The following ZBTB33 variants were observed in gnomAD, a reference collection of about 807,000 sequenced individuals.
ZBTB33 encodes the protein zinc finger and BTB domain containing 33.
ZBTB33 carries 11 observed loss-of-function variants against 25.9 expected under a neutral mutation model. The observed-to-expected ratio is 0.42, with a 90% CI of 0.27 to 0.70. ZBTB33 has a LOEUF of 0.70. Ranked by LOEUF, ZBTB33 falls within the 30% of genes least tolerant of loss-of-function variation. ZBTB33 has a pLI of 0.23. For synonymous variants in ZBTB33, 157 were observed against 184.8 expected (o/e 0.85, Z 1.22); for missense variants, 343 against 501.1 (o/e 0.68, Z 3.01).
chrX:120,251,110 CTCTT>C (rs1239994225), intron 1 of ZBTB33, 133 bp downstream of exon 1: 1 of 111,818 alleles, frequency 8.9e-6, no homozygotes, highest in Admixed American at 9.3e-5. Flanking sequence ...GCTCCTCCGG[CTCTT>C]TCTTTGTGTG....
At position 120,255,365 on chromosome X, in the gene ZBTB33, T is replaced by C; in HGVS notation, c.1950T>C (p.Asp650=). The stretch of plus-strand genomic sequence containing the variant: ...ATATTTTTATTCAGCAGGAAAATGA[T>C]TCAATTTTTAAACAAAATGTAACAG... The part of the protein sequence containing the change: ...WEDIFIQQEN[D]SIFKQNVTDG... The change falls in exon 3 of 3, where the codon GAT becomes GAC. Residue 650 remains aspartate, a synonymous_variant. Coordinates refer to ENST00000557385, the MANE Select transcript of ZBTB33 (RefSeq NM_001184742.2). The C allele has an allele frequency of 1.7e-6, 2 of 1,211,534 alleles. No individual in the cohort carries two copies. The highest frequency in any genetic ancestry group is 2.2e-6 in the Non-Finnish European group (2 of 895,204).
In ZBTB33 at chrX:120,256,666, A is replaced by G. The variant is rs1476402742; in HGVS notation, c.*1232A>G. ...AAAAATGACACATATTTAAACACTT[A>G]GAAAATAAAGTTAACACTTACTGAA... On this transcript the variant is annotated 3_prime_UTR_variant, in exon 3 of 3. Coordinates refer to ENST00000557385, the MANE Select transcript of ZBTB33 (RefSeq NM_001184742.2). 1.6e-5 allele frequency: 2 copies of G among 123,297 alleles called. No homozygotes were observed. The highest frequency in any genetic ancestry group is 9.5e-5 in the Admixed American group (1 of 10,549). The allele number at this position is 123,297 out of a possible 1,213,427, so 10.2% of individuals were successfully genotyped here.
At chrX:120,251,246 G>C (rs2057597493) in intron 1 of ZBTB33, among the ~76,000 whole-genome samples, 1 of 111,291 alleles carries the variant, frequency 9.0e-6, no homozygotes, top group African/African-American at 3.3e-5. Context: ...CCATCACAGA[G>C]ACCCACTTGG....
Position 120,253,873 on chromosome X carries a change from A to G in ZBTB33, c.458A>G (p.Lys153Arg), listed in dbSNP as rs1219747667. The G allele has an allele frequency of 5.0e-6, 6 of 1,209,506 alleles. No homozygotes were observed. The highest frequency in any genetic ancestry group is 6.7e-6 in the Non-Finnish European group (6 of 895,160). The change falls in exon 3 of 3, where the codon AAA becomes AGA. Residue 153 changes from lysine to arginine, a missense_variant. Around this residue, in one of 2 missense-constraint regions of ZBTB33, gnomAD observed 304 missense variants for 410.0 expected, o/e 0.74. Transcript: ENST00000557385. ...GDKNLVIQKSKDEAQDNGATI... is the reference protein window; with the variant it reads ...GDKNLVIQKSRDEAQDNGATI... ...AAGAACCTTGTAATACAGAAATCAA[A>G]AGATGAAGCCCAAGATAATGGGGCT...
chrX:120,255,478 A>C lies in ZBTB33; in HGVS notation c.*44A>C. 9.7e-7 allele frequency: 1 copy of C among 1,031,685 alleles called. No individual in the cohort carries two copies. 85.0% of individuals were successfully genotyped at this position (1,031,685 alleles called of 1,213,427 possible). On this transcript the variant is annotated 3_prime_UTR_variant, in exon 3 of 3. Transcript: ENST00000557385. ...AAAGTTTTGTTTTGGATGATGGGGC[A>C]GGGGTTTCAGAAGATCTGTAAAACA...
In ZBTB33 at chrX:120,253,431, C is replaced by T. The variant is rs1556014645; in HGVS notation, c.16C>T (p.Leu6=). The T allele has an allele frequency of 4.1e-6, 5 of 1,208,000 alleles. No homozygotes were observed. The highest frequency in any genetic ancestry group is 2.2e-6 in the Non-Finnish European group (2 of 893,731). MESRK[L]ISATDIQYSG... is the part of the protein sequence containing the mutation. ...TCTTAAAGGCATGGAGAGTAGAAAACTGATTTCTGCTACAGACATTCAGTA... is the reference window on the plus strand; with the variant it reads ...TCTTAAAGGCATGGAGAGTAGAAAATTGATTTCTGCTACAGACATTCAGTA... The change falls in exon 3 of 3, where the codon CTG becomes TTG. Residue 6 remains leucine, a synonymous_variant. Transcript: ENST00000557385.
In ZBTB33 at chrX:120,255,024, C is replaced by T. The variant is rs782082472; in HGVS notation, c.1609C>T (p.Arg537Cys). 1.7e-6 allele frequency: 2 copies of T among 1,211,734 alleles called. No homozygotes were observed. The highest frequency in any genetic ancestry group is 2.2e-6 in the Non-Finnish European group (2 of 895,502). The change falls in exon 3 of 3, where the codon CGC becomes TGC. Residue 537 changes from arginine to cysteine, a missense_variant. By Grantham distance (180) the Arg-to-Cys change is radical (BLOSUM62 -3). Around this residue, in one of 2 missense-constraint regions of ZBTB33, gnomAD observed 304 missense variants for 410.0 expected, o/e 0.74. Coordinates refer to ENST00000557385, the MANE Select transcript of ZBTB33 (RefSeq NM_001184742.2). The stretch of plus-strand genomic sequence containing the variant: ...GAAGGTATTTCCTCTTGCAGAATAT[C>T]GCACAAAGCATGAAATTCATCACAC... ...CEKVFPLAEY[R>C]TKHEIHHTGE...
chrX:120,253,547 G>A lies in ZBTB33; in HGVS notation c.132G>A (p.Arg44=). The change falls in exon 3 of 3, where the codon CGG becomes CGA. Residue 44 remains arginine (R), a synonymous_variant. Coordinates refer to ENST00000557385, the MANE Select transcript of ZBTB33 (RefSeq NM_001184742.2). ...TTATTGTGGAAGACCGAAAATTCCG[G>A]GCTCACAAGAATATTCTTTCAGCTT... ...VTVIVEDRKF[R]AHKNILSASS... is the part of the protein sequence containing the mutation. 1 of 1,211,533 alleles carries A rather than the reference G, an allele frequency of 8.3e-7. No individual in the cohort carries two copies. Among genetic ancestry groups the A allele is most frequent in the Non-Finnish European group, 1.1e-6 (1 of 895,494 alleles).
chrX:120,253,365 GT>G (rs782436931), intron 2 of ZBTB33, 48 bp from the exon 3 acceptor site: 6 of 1,077,213 alleles, frequency 5.6e-6, no homozygotes, highest in South Asian at 4.7e-5. Context: ...AAGTACTTTT[GT>G]TTTTTCTCTC....
In ZBTB33 at chrX:120,254,805, C is replaced by T. The variant is rs782309844; in HGVS notation, c.1390C>T (p.Pro464Ser). 1 of 1,211,562 alleles carries T rather than the reference C, an allele frequency of 8.3e-7. No individual in the cohort carries two copies. The highest frequency in any genetic ancestry group is 1.8e-5 in the South Asian group (1 of 56,958). ...GGAGGCCAGACTTGAGAATGAAATA[C>T]CAAAAACGTCTGGCAGCGAGATGGC... ...EGEARLENEIPKTSGSEMANK... is the reference protein window; with the variant it reads ...EGEARLENEISKTSGSEMANK... The change falls in exon 3 of 3, where the codon CCA becomes TCA. Residue 464 changes from proline (P) to serine (S), a missense_variant. Coordinates refer to ENST00000557385, the MANE Select transcript of ZBTB33 (RefSeq NM_001184742.2).
chrX:120,251,315 T>C (rs1556014274), intron 1 of ZBTB33, among the ~76,000 whole-genome samples: 1 of 110,075 alleles, frequency 9.1e-6, no homozygotes. Flanking sequence ...TAGCCCCTAC[T>C]TTGATTTAGA....
Position 120,255,219 on chromosome X carries a change from G to A in ZBTB33, c.1804G>A (p.Asp602Asn), listed in dbSNP as rs781875913. ...AATCAGACAATATGCATATCTTTCC[G>A]ATAGATCAAGCACTATTCCTGCAAT... is the stretch of plus-strand genomic sequence containing the variant. Reference protein sequence around the residue: ...LQIRQYAYLSDRSSTIPAMKD... With the variant: ...LQIRQYAYLSNRSSTIPAMKD... Residue 602 changes from aspartate to asparagine, a missense_variant, in exon 3 of 3, where the codon GAT becomes AAT. Asp to Asn is a conservative substitution (Grantham distance 23, BLOSUM62 1). Around this residue, in one of 2 missense-constraint regions of ZBTB33, gnomAD observed 304 missense variants for 410.0 expected, o/e 0.74. Coordinates refer to ENST00000557385, the MANE Select transcript of ZBTB33 (RefSeq NM_001184742.2). 2.5e-6 allele frequency: 3 copies of A among 1,211,562 alleles called. No individual in the cohort carries two copies. The highest frequency in any genetic ancestry group is 4.3e-5 in the Admixed American group (2 of 46,001).
rs1333777275 is a variant in ZBTB33 at position 120,256,428 on chromosome X, A to C, written c.*994A>C. 8.2e-6 allele frequency: 1 copy of C among 122,500 alleles called. No homozygotes were observed. The highest frequency in any genetic ancestry group is 1.9e-5 in the Non-Finnish European group (1 of 52,943). The allele number at this position is 122,500 out of a possible 1,213,427, so 10.1% of individuals were successfully genotyped here. A position where few individuals can be genotyped will look rare whatever the true frequency, so the allele number is the denominator to read the frequency against. On this transcript the variant is annotated 3_prime_UTR_variant, in exon 3 of 3. Coordinates refer to ENST00000557385, the MANE Select transcript of ZBTB33 (RefSeq NM_001184742.2). ...ATATTTTTAAATGTTCATATTGCGT[A>C]GAATCTCCACTAGGAAGTCTTTATT...
At position 120,256,231 on chromosome X, in the gene ZBTB33, T is replaced by C. The variant is rs1329349587; in HGVS notation, c.*797T>C. 5 of 123,271 alleles carry C rather than the reference T, an allele frequency of 4.1e-5. No individual in the cohort carries two copies. The highest frequency in any genetic ancestry group is 1.6e-4 in the African/African-American group (5 of 30,846). 10.2% of individuals were successfully genotyped at this position (123,271 alleles called of 1,213,427 possible). A position where few individuals can be genotyped will look rare whatever the true frequency, so the allele number is the denominator to read the frequency against. ...TCTCTGGCTACCACATAGTAGAGAATGGAATGAAGATTTCCTTTTGGCTTC... is the reference window on the plus strand; with the variant it reads ...TCTCTGGCTACCACATAGTAGAGAACGGAATGAAGATTTCCTTTTGGCTTC... On this transcript the variant is annotated 3_prime_UTR_variant, in exon 3 of 3. Transcript: ENST00000557385.
chrX:120,254,215 T>G lies in ZBTB33; in HGVS notation c.800T>G (p.Leu267Trp), dbSNP rs782650704. 8.3e-7 allele frequency: 1 copy of G among 1,210,326 alleles called. No individual in the cohort carries two copies. Among genetic ancestry groups the G allele is most frequent in the Non-Finnish European group, 1.1e-6 (1 of 895,368 alleles). The part of the protein sequence containing the change: ...TLSQTQGSEK[L>W]LVSSAPTHLT... ...AGCCAAACACAAGGAAGTGAAAAAT[T>G]GTTGGTATCTTCAGCTCCAACACAT... is the stretch of plus-strand genomic sequence containing the variant. The change falls in exon 3 of 3, where the codon TTG (leucine) becomes TGG (tryptophan). Residue 267 changes from leucine (L) to tryptophan (W), a missense_variant. By Grantham distance (61) the Leu-to-Trp change is moderately conservative. Around this residue, in one of 2 missense-constraint regions of ZBTB33, gnomAD observed 304 missense variants for 410.0 expected, o/e 0.74. Transcript: ENST00000557385.
Position 120,253,945 on chromosome X carries a change from A to G in ZBTB33, c.530A>G (p.Asp177Gly), listed in dbSNP as rs781937795. The stretch of plus-strand genomic sequence containing the variant: ...GAGTCTTTTTCATTATCTGCCGAAG[A>G]TTATGAAATGAAAAAGATCATTGTT... ...ITESFSLSAE[D>G]YEMKKIIVTD... The change falls in exon 3 of 3, where the codon GAT (aspartate) becomes GGT (glycine). Residue 177 changes from aspartate (D) to glycine (G), a missense_variant. Asp to Gly is a moderately conservative substitution (Grantham distance 94). Around this residue, in one of 2 missense-constraint regions of ZBTB33, gnomAD observed 304 missense variants for 410.0 expected, o/e 0.74. Coordinates refer to ENST00000557385, the MANE Select transcript of ZBTB33 (RefSeq NM_001184742.2). 6 of 1,204,798 alleles carry G rather than the reference A, an allele frequency of 5.0e-6. No homozygotes were observed. Among genetic ancestry groups the G allele is most frequent in the Non-Finnish European group, 6.7e-6 (6 of 892,817 alleles).
In ZBTB33 at chrX:120,257,541, T is replaced by TTGC. The variant is rs1470072012; in HGVS notation, c.*2119_*2121dup. 3 of 123,350 alleles carry TTGC rather than the reference T, an allele frequency of 2.4e-5. No individual in the cohort carries two copies. Among genetic ancestry groups the TTGC allele is most frequent in the African/African-American group, 9.7e-5 (3 of 30,886 alleles). 10.2% of individuals were successfully genotyped at this position (123,350 alleles called of 1,213,427 possible). On this transcript the variant is annotated 3_prime_UTR_variant, in exon 3 of 3. Coordinates refer to ENST00000557385, the MANE Select transcript of ZBTB33 (RefSeq NM_001184742.2). ...TTCTGAATAATAGGTATGTAATTATTTGCTGCTGCTGCTGTGCTCTGTAAA... is the reference window on the plus strand; with the variant it reads ...TTCTGAATAATAGGTATGTAATTATTTGCTGCTGCTGCTGCTGTGCTCTGTAAA...
At position 120,253,942 on chromosome X, in the gene ZBTB33, A is replaced by G. The variant is rs782346965; in HGVS notation, c.527A>G (p.Glu176Gly). The G allele has an allele frequency of 8.3e-7, 1 of 1,205,634 alleles. No individual in the cohort carries two copies. Among genetic ancestry groups the G allele is most frequent in the Non-Finnish European group, 1.1e-6 (1 of 893,204 alleles). Residue 176 changes from glutamate (E) to glycine (G), a missense_variant, in exon 3 of 3, where the codon GAA becomes GGA. Around this residue, in one of 2 missense-constraint regions of ZBTB33, gnomAD observed 304 missense variants for 410.0 expected, o/e 0.74. Coordinates refer to ENST00000557385, the MANE Select transcript of ZBTB33 (RefSeq NM_001184742.2). The stretch of plus-strand genomic sequence containing the variant: ...ACAGAGTCTTTTTCATTATCTGCCG[A>G]AGATTATGAAATGAAAAAGATCATT... ...IITESFSLSA[E>G]DYEMKKIIVT...
chrX:120,250,916 G>C lies in ZBTB33; in HGVS notation c.-166G>C, dbSNP rs782304635. On this transcript the variant is annotated 5_prime_UTR_variant, in exon 1 of 3. Transcript: ENST00000557385. Reference sequence around the variant, plus strand: ...TCGCTGGGGAGTGCGGCTTCTTCTTGTTGGGGGACTCCCAGCCTTCCGCGC... The same window carrying C: ...TCGCTGGGGAGTGCGGCTTCTTCTTCTTGGGGGACTCCCAGCCTTCCGCGC... The C allele has an allele frequency of 1.9e-3, 214 of 113,208 alleles. 2 individuals are homozygous for C. The highest frequency in any genetic ancestry group is 2.7e-3 in the Non-Finnish European group (147 of 53,517). 9.3% of individuals were successfully genotyped at this position (113,208 alleles called of 1,213,427 possible). A position where few individuals can be genotyped will look rare whatever the true frequency, so the allele number is the denominator to read the frequency against.
Sources: gnomAD v4.1 joint callset for allele counts (sites outside exome capture counted in the v4.1 genomes callset) on GRCh38, gnomAD v4.1.1 for gene constraint, gnomAD v4.1.1 regional missense constraint, MANE v1.5 for transcripts, NCBI Gene and HGNC (gene_info 2026-07-23, HGNC 2026-07-21) for gene names.